The following GALNT13 variants were observed in gnomAD, a reference collection of about 807,000 sequenced individuals.
The protein encoded by GALNT13 is polypeptide N-acetylgalactosaminyltransferase 13.
Under a neutral mutation model 64.2 loss-of-function variants are expected in GALNT13, and 28 were observed. That is an observed-to-expected ratio of 0.44 (90% confidence interval 0.32 to 0.60). GALNT13 has a LOEUF of 0.60. GALNT13 is among the 20% of genes least tolerant of loss of function. The pLI, the probability that GALNT13 is intolerant of heterozygous loss-of-function variation, is 0.05. For synonymous variants in GALNT13, 214 were observed against 224.6 expected, an observed-to-expected ratio of 0.95 and a Z score of 0.42; for missense variants, 577 against 669.8, an observed-to-expected ratio of 0.86 and a Z score of 1.53.
At chr2:153,439,329 A>G in the GALNT13 span, among the ~76,000 whole-genome samples, 8 of 152,110 alleles carry the variant, frequency 5.3e-5, no homozygotes, top group Non-Finnish European at 8.8e-5. Context: ...TGGGAGAACC[A>G]CTACTCTCTT....
chr2:154,164,854 A>T (rs12614816), intron 4 of GALNT13, among the ~76,000 whole-genome samples: 2 of 152,090 alleles, frequency 1.3e-5, no homozygotes, highest in African/African-American at 4.8e-5. Context: ...CTAAAAAACA[A>T]GTTTTTGGTT....
the GALNT13 span, among the ~76,000 whole-genome samples, chr2:153,434,071 C>T: frequency 1.3e-5 from 2 of 152,088 alleles, no homozygotes; most frequent in South Asian, 2.1e-4. Context: ...TGAGTGAGAA[C>T]ATGCGGTGTT....
At position 154,430,620 on chromosome 2, in the gene GALNT13, G is replaced by A. The variant is rs116482460; in HGVS notation, c.1396-7972G>A. ...TACATAAACTCAAGTCGATAAAGCA[G>A]TGTCAGGTTTTGAGAGGATTAATTC... On this transcript the variant is annotated intron_variant, in intron 11 of 12. Coordinates refer to ENST00000392825, the MANE Select transcript of GALNT13 (RefSeq NM_052917.4). 2.3e-3 allele frequency among the ~76,000 whole-genome samples: 347 copies of A among 152,324 alleles called. 3 individuals carry two copies. The highest frequency in any genetic ancestry group is 5.4e-3 in the South Asian group (26 of 4,828).
intron 9 of GALNT13, among the ~76,000 whole-genome samples, chr2:154,360,660 A>C (rs954012489): frequency 6.6e-6 from 1 of 152,190 alleles, no homozygotes; most frequent in Non-Finnish European, 1.5e-5. Flanking sequence ...GATGTCTCAT[A>C]AGTCTATTGT....
the GALNT13 span, among the ~76,000 whole-genome samples, chr2:153,751,666 T>C: frequency 6.6e-6 from 1 of 151,948 alleles, no homozygotes; most frequent in South Asian, 2.1e-4. Flanking sequence ...TTTTAGTTTC[T>C]ATTGGCATGG....
intron 9 of GALNT13, among the ~76,000 whole-genome samples, chr2:154,337,281 T>A (rs1206980481): frequency 6.6e-6 from 1 of 152,140 alleles, no homozygotes; most frequent in Non-Finnish European, 1.5e-5. Context: ...GAGTAATATA[T>A]GTTCACTGTA....
At chr2:154,231,024 C>T (rs1355813465) in intron 4 of GALNT13, among the ~76,000 whole-genome samples, 2 of 152,092 alleles carry the variant, frequency 1.3e-5, no homozygotes, top group Non-Finnish European at 2.9e-5. Flanking sequence ...AGACAAAACT[C>T]ATTTTTAGAT....
the GALNT13 span, among the ~76,000 whole-genome samples, chr2:153,689,584 C>G: frequency 1.3e-5 from 2 of 151,994 alleles, no homozygotes; most frequent in African/African-American, 4.8e-5. Context: ...AAATCTATAA[C>G]ACTATGAATT....
chr2:153,962,470 A>G (rs1693014333), intron 3 of GALNT13, among the ~76,000 whole-genome samples: 1 of 152,200 alleles, frequency 6.6e-6, no homozygotes, highest in Non-Finnish European at 1.5e-5. Flanking sequence ...AAAGCAGCTA[A>G]TAAATGGAGA....
chr2:153,630,678 T>A, the GALNT13 span, among the ~76,000 whole-genome samples: 2 of 127,224 alleles, frequency 1.6e-5, no homozygotes, highest in South Asian at 2.6e-4. Flanking sequence ...ATTAAAAAAT[T>A]AAAAAAAATT....
chr2:153,473,712 G>C, the GALNT13 span, among the ~76,000 whole-genome samples: 1 of 152,178 alleles, frequency 6.6e-6, no homozygotes, highest in Non-Finnish European at 1.5e-5. Context: ...TCCTGTCATT[G>C]TAACCCCCAA....
chr2:153,096,559 T>C, the GALNT13 span, among the ~76,000 whole-genome samples: 1 of 152,224 alleles, frequency 6.6e-6, no homozygotes, highest in Non-Finnish European at 1.5e-5. Flanking sequence ...GTGTTGGTTG[T>C]ATATTTAAAA....
the GALNT13 span, among the ~76,000 whole-genome samples, chr2:153,835,053 AAGAAG>A: frequency 5.3e-4 from 80 of 152,200 alleles, no homozygotes; most frequent in African/African-American, 1.8e-3. Flanking sequence ...GTCTGTGAAA[AAGAAG>A]AGAAGACAGT....
the GALNT13 span, among the ~76,000 whole-genome samples, chr2:153,830,663 G>A: frequency 6.6e-6 from 1 of 151,942 alleles, no homozygotes; most frequent in Non-Finnish European, 1.5e-5. Flanking sequence ...TTTTTCTAAG[G>A]AGAAAGGTTT....
the GALNT13 span, among the ~76,000 whole-genome samples, chr2:153,588,256 C>A: frequency 6.6e-6 from 1 of 152,196 alleles, no homozygotes; most frequent in African/African-American, 2.4e-5. Context: ...CTTTTCACAG[C>A]TCCACTAGGC....
chr2:153,167,170 A>G, the GALNT13 span, among the ~76,000 whole-genome samples: 2 of 152,262 alleles, frequency 1.3e-5, no homozygotes, highest in African/African-American at 4.8e-5. Context: ...TTTTGTTCAT[A>G]ATAGTCACTG....
At chr2:153,831,093 A>G in the GALNT13 span, among the ~76,000 whole-genome samples, 2 of 152,208 alleles carry the variant, frequency 1.3e-5, no homozygotes, top group African/African-American at 4.8e-5. Flanking sequence ...TTAATTTACA[A>G]TACAATCATG....
At chr2:154,166,941 C>T (rs1369452686) in intron 4 of GALNT13, among the ~76,000 whole-genome samples, 1 of 150,762 alleles carries the variant, frequency 6.6e-6, no homozygotes, top group Non-Finnish European at 1.5e-5. Flanking sequence ...AACACATGGA[C>T]ACAGGAAGGG....
At chr2:153,377,338 G>T in the GALNT13 span, among the ~76,000 whole-genome samples, 2 of 152,122 alleles carry the variant, frequency 1.3e-5, no homozygotes, top group Admixed American at 1.3e-4. Context: ...TGTGATTTGG[G>T]TATGGTCTGT....
Sources: gnomAD v4.1 joint callset for allele counts (sites outside exome capture counted in the v4.1 genomes callset) on GRCh38, gnomAD v4.1.1 for gene constraint, MANE v1.5 for transcripts, NCBI Gene and HGNC (gene_info 2026-07-23, HGNC 2026-07-21) for gene names.